ZNF462: variants seen among roughly 807,000 people sequenced by gnomAD.
ZNF462 encodes zinc finger protein 462, also known as zinc finger PBX1-interacting protein.
ZNF462 carries 10 observed loss-of-function variants against 201.9 expected under a neutral mutation model. The ratio of observed to expected loss-of-function variants is 0.05; its 90% CI spans 0.03 to 0.08. ZNF462 has a LOEUF of 0.08. ZNF462 is among the 10% of genes least tolerant of loss of function. The pLI is 1.00. For missense variants in ZNF462, 2,523 were observed against 3,168.3 expected (o/e 0.80, Z 4.89); for synonymous variants, 1,227 against 1,193.3 (o/e 1.03, Z -0.58).
chr9:106,929,006 G>A lies in ZNF462; in HGVS notation c.5094G>A (p.Lys1698=). ...AQPEGKNNLF[K]CALCAYTNPI... is the part of the protein sequence containing the mutation. Reference sequence around the variant, plus strand: ...CAGAAGGCAAGAACAACCTCTTCAAGTGTGCCCTGTGTGCCTACACCAACC... The same window carrying A: ...CAGAAGGCAAGAACAACCTCTTCAAATGTGCCCTGTGTGCCTACACCAACC... Residue 1698 remains lysine, a synonymous_variant, in exon 3 of 13, where the codon AAG becomes AAA. Coordinates refer to ENST00000277225, the MANE Select transcript of ZNF462 (RefSeq NM_021224.6). The surrounding 1 kb of genome is among the most constrained non-coding windows in gnomAD (Gnocchi z 8.7). 6.2e-7 allele frequency: 1 copy of A among 1,614,024 alleles called. No individual in the cohort carries two copies. Among genetic ancestry groups the A allele is most frequent in the East Asian group, 2.2e-5 (1 of 44,814 alleles).
chr9:106,903,878 T>C (rs1829161135), intron 1 of ZNF462, among the ~76,000 whole-genome samples: 1 of 152,216 alleles, frequency 6.6e-6, no homozygotes, highest in African/African-American at 2.4e-5. Context: ...TATTCTGTGG[T>C]TCTGTATCTT....
rs2131234107 is a variant in ZNF462 at position 106,905,726 on chromosome 9, T to C, written c.-30-17628T>C. ...GGGAAAGCCAGCAGTCATGAAGGGC[T>C]GGTCTCACTCTCACCGTGACCCCCG... On this transcript the variant is annotated intron_variant, in intron 1 of 12. Transcript: ENST00000277225. This position sits in a 1 kb window ranked among gnomAD's most constrained non-coding sequence, Gnocchi z 5.9. Among the ~76,000 whole-genome samples the C allele has an allele frequency of 6.6e-6, 1 of 152,246 alleles. No homozygotes were observed. Among genetic ancestry groups the C allele is most frequent in the East Asian group, 1.9e-4 (1 of 5,158 alleles).
intron 1 of ZNF462, among the ~76,000 whole-genome samples, chr9:106,915,568 G>T (rs1302582493): frequency 6.6e-6 from 1 of 152,184 alleles, no homozygotes; most frequent in Non-Finnish European, 1.5e-5. Context: ...CCTGCTATAA[G>T]GTTGCATTAA....
chr9:106,932,414 G>A lies in ZNF462; in HGVS notation c.6013-32G>A, dbSNP rs375922606. ...ACCCGGCCGGGGGGATACCATTGCA[G>A]TCAATGTGACAGAGTCCTGATGTCC... is the stretch of plus-strand genomic sequence containing the variant. On this transcript the variant is annotated intron_variant, in intron 4 of 12. Coordinates refer to ENST00000277225, the MANE Select transcript of ZNF462 (RefSeq NM_021224.6). This position sits in a 1 kb window ranked among gnomAD's most constrained non-coding sequence, Gnocchi z 6.8. The A allele has an allele frequency of 1.6e-4, 261 of 1,614,088 alleles. No homozygotes were observed. Among genetic ancestry groups the A allele is most frequent in the Non-Finnish European group, 2.0e-4 (239 of 1,180,032 alleles).
intron 10 of ZNF462, among the ~76,000 whole-genome samples, chr9:106,999,306 T>G (rs550159255): frequency 2.0e-5 from 3 of 152,316 alleles, no homozygotes; most frequent in African/African-American, 7.2e-5. Flanking sequence ...AGTAGTGTAA[T>G]CAGTTCAAAA....
At chr9:106,947,579 A>G (rs1831166359) in intron 7 of ZNF462, among the ~76,000 whole-genome samples, 2 of 152,148 alleles carry the variant, frequency 1.3e-5, no homozygotes, top group African/African-American at 4.8e-5. Flanking sequence ...AATAATTCTT[A>G]TTTTTTAAAA....
intron 1 of ZNF462, among the ~76,000 whole-genome samples, chr9:106,871,443 A>G (rs1245964646): frequency 6.6e-6 from 1 of 152,218 alleles, no homozygotes; most frequent in Non-Finnish European, 1.5e-5. Flanking sequence ...GGAGAAGGAA[A>G]AGAAGAGAAG....
intron 1 of ZNF462, among the ~76,000 whole-genome samples, chr9:106,894,834 A>T (rs532966244): frequency 2.4e-4 from 37 of 152,350 alleles, no homozygotes; most frequent in Non-Finnish European, 4.3e-4. Flanking sequence ...TTTTATATTG[A>T]TAAATATTGT....
rs557406743 is a variant in ZNF462 at position 106,925,045 on chromosome 9, A to G, written c.1133A>G (p.Glu378Gly). The change falls in exon 3 of 13, where the codon GAA becomes GGA. Residue 378 changes from glutamate (E) to glycine (G), a missense_variant. Coordinates refer to ENST00000277225, the MANE Select transcript of ZNF462 (RefSeq NM_021224.6). This position sits in a 1 kb window ranked among gnomAD's most constrained non-coding sequence, Gnocchi z 7.9. Reference protein sequence around the residue: ...TDMTNSSADLETNSMLNDSSS... With the variant: ...TDMTNSSADLGTNSMLNDSSS... The stretch of plus-strand genomic sequence containing the variant: ...ATGACCAATTCTTCTGCTGACCTGG[A>G]AACTAACAGCATGCTAAATGACTCT... 6.2e-7 allele frequency: 1 copy of G among 1,614,072 alleles called. No individual in the cohort carries two copies. Among genetic ancestry groups the G allele is most frequent in the Non-Finnish European group, 8.5e-7 (1 of 1,180,052 alleles).
chr9:106,879,333 C>CG (rs1041743947), intron 1 of ZNF462, among the ~76,000 whole-genome samples: 1 of 30,254 alleles, frequency 3.3e-5, no homozygotes, highest in African/African-American at 2.3e-4. Flanking sequence ...ATGCTTTCCA[C>CG]CCCCCCCCCC....
chr9:107,009,708 AGAGGTAGG>A lies in ZNF462; in HGVS notation c.7313+45_7313+52del. ...TTCAAGGATGCCTTTGTCCAAAGCA[AGAGGTAGG>A]GAGGGAGGGAGGGGCTCTTGTTTTG... On this transcript the variant is annotated intron_variant, in intron 12 of 12. Transcript: ENST00000277225. The surrounding 1 kb of genome is among the most constrained non-coding windows in gnomAD (Gnocchi z 6.1). 1 of 881,854 alleles carries A rather than the reference AGAGGTAGG, an allele frequency of 1.1e-6. No individual in the cohort carries two copies. Among genetic ancestry groups the A allele is most frequent in the Non-Finnish European group, 1.7e-6 (1 of 581,366 alleles). 54.6% of individuals were successfully genotyped at this position (881,854 alleles called of 1,614,324 possible). A position where few individuals can be genotyped will look rare whatever the true frequency, so the allele number is the denominator to read the frequency against.
rs891183183 is a variant in ZNF462, at chr9:106,935,415, T to C, written c.6117-88T>C. On this transcript the variant is annotated intron_variant, in intron 5 of 12. Transcript: ENST00000277225. This position sits in a 1 kb window ranked among gnomAD's most constrained non-coding sequence, Gnocchi z 4.1. ...AAAAGGACTTTGAACGACCTAGAAGTAGGATTCCTGGAAAAAAAGCAATGA... is the reference window on the plus strand; with the variant it reads ...AAAAGGACTTTGAACGACCTAGAAGCAGGATTCCTGGAAAAAAAGCAATGA... 8.8e-7 allele frequency: 1 copy of C among 1,139,208 alleles called. No individual in the cohort carries two copies. Among genetic ancestry groups the C allele is most frequent in the African/African-American group, 1.5e-5 (1 of 65,778 alleles). 70.6% of individuals were successfully genotyped at this position (1,139,208 alleles called of 1,614,324 possible).
chr9:106,868,179 C>T (rs1222691530), intron 1 of ZNF462, among the ~76,000 whole-genome samples: 1 of 151,848 alleles, frequency 6.6e-6, no homozygotes, highest in Non-Finnish European at 1.5e-5. Context: ...TGTTGGTGAC[C>T]TATTAATTGA....
chr9:106,999,075 A>G (rs946144233), intron 10 of ZNF462, among the ~76,000 whole-genome samples: 6 of 152,136 alleles, frequency 3.9e-5, no homozygotes, highest in African/African-American at 1.2e-4. Context: ...TCCACCCTTC[A>G]AGAACATATA....
intron 7 of ZNF462, among the ~76,000 whole-genome samples, chr9:106,965,437 A>G (rs1832030434): frequency 1.3e-5 from 2 of 152,052 alleles, no homozygotes. Flanking sequence ...AGTTGCCCAT[A>G]TGTAATAGGA....
chr9:106,893,325 T>A (rs1828672302), intron 1 of ZNF462, among the ~76,000 whole-genome samples: 1 of 152,204 alleles, frequency 6.6e-6, no homozygotes, highest in Non-Finnish European at 1.5e-5. Flanking sequence ...CTTTGTAGTC[T>A]TTTAAAGGAA....
intron 10 of ZNF462, among the ~76,000 whole-genome samples, chr9:106,990,031 G>C (rs1196938533): frequency 2.6e-5 from 4 of 151,488 alleles, no homozygotes; most frequent in Non-Finnish European, 4.4e-5. Flanking sequence ...TTGTTTGTTT[G>C]TTTCAATTTC....
At chr9:106,965,465 G>A (rs1832031654) in intron 7 of ZNF462, among the ~76,000 whole-genome samples, 1 of 152,050 alleles carries the variant, frequency 6.6e-6, no homozygotes, top group Non-Finnish European at 1.5e-5. Flanking sequence ...AATGAACAAG[G>A]GGTAGGGAAG....
rs182717412 is a variant in ZNF462, at chr9:106,890,962, G to C, written c.-31+27607G>C. Among the ~76,000 whole-genome samples the C allele has an allele frequency of 2.0e-3, 310 of 152,306 alleles. No individual in the cohort carries two copies. The highest frequency in any genetic ancestry group is 3.6e-3 in the Non-Finnish European group (245 of 68,024). On this transcript the variant is annotated intron_variant, in intron 1 of 12. Transcript: ENST00000277225. The surrounding 1 kb of genome is among the most constrained non-coding windows in gnomAD (Gnocchi z 4.2). Reference sequence around the variant, plus strand: ...ACCTTTCTGGTTGAGTAAAGAATAAGATAGTCTTTTTCTTTTTTGGAAAAA... The same window carrying C: ...ACCTTTCTGGTTGAGTAAAGAATAACATAGTCTTTTTCTTTTTTGGAAAAA...
Sources: gnomAD v4.1 joint callset for allele counts (sites outside exome capture counted in the v4.1 genomes callset) on GRCh38, gnomAD v4.1.1 for gene constraint, Gnocchi (gnomAD v3.1) non-coding constraint, MANE v1.5 for transcripts, NCBI Gene and HGNC (gene_info 2026-07-23, HGNC 2026-07-21) for gene names.